The following HHAT variants were observed in gnomAD, a reference collection of about 807,000 sequenced individuals.
HHAT encodes the protein protein-cysteine N-palmitoyltransferase HHAT.
HHAT carries 47 observed loss-of-function variants against 70.8 expected under a neutral mutation model. That is an observed-to-expected ratio of 0.66 (90% CI 0.53 to 0.85). HHAT has a LOEUF of 0.85. HHAT is among the 40% of genes least tolerant of loss of function. The pLI is 0.00. For missense variants in HHAT, 609 were observed against 604.8 expected, an observed-to-expected ratio of 1.01 and a Z score of -0.07; for synonymous variants, 228 against 247.6, an observed-to-expected ratio of 0.92 and a Z score of 0.74.
At chr1:210,350,275 C>G (rs939510493) in intron 2 of HHAT, among the ~76,000 whole-genome samples, 1 of 152,176 alleles carries the variant, frequency 6.6e-6, no homozygotes, top group Non-Finnish European at 1.5e-5. Flanking sequence ...CCTTAAGCAG[C>G]AAATGGACTA....
intron 8 of HHAT, among the ~76,000 whole-genome samples, chr1:210,512,142 C>A (rs2094965612): frequency 6.6e-6 from 1 of 152,082 alleles, no homozygotes; most frequent in Non-Finnish European, 1.5e-5. Context: ...CTGGTGTGAG[C>A]CTCAAGCACA....
intron 8 of HHAT, among the ~76,000 whole-genome samples, chr1:210,476,525 C>T (rs1293659159): frequency 6.6e-6 from 1 of 152,218 alleles, no homozygotes; most frequent in East Asian, 1.9e-4. Context: ...AACAAGTCTT[C>T]ATTCCTCAGT....
chr1:210,576,807 G>C (rs1376632105), intron 9 of HHAT, among the ~76,000 whole-genome samples: 2 of 152,166 alleles, frequency 1.3e-5, no homozygotes, highest in Admixed American at 1.3e-4. Flanking sequence ...ACTATCCATG[G>C]GCACAGCATA....
chr1:210,517,511 G>C (rs1301760018), intron 9 of HHAT, among the ~76,000 whole-genome samples: 1 of 152,148 alleles, frequency 6.6e-6, no homozygotes, highest in Non-Finnish European at 1.5e-5. Flanking sequence ...TAAAAAAATT[G>C]AACTCATGGA....
chr1:210,329,936 A>C (rs1185575687), intron 1 of HHAT, among the ~76,000 whole-genome samples: 1 of 152,094 alleles, frequency 6.6e-6, no homozygotes, highest in African/African-American at 2.4e-5. Context: ...AGTAGAGACG[A>C]GGGTCTCACC....
intron 11 of HHAT, among the ~76,000 whole-genome samples, chr1:210,635,612 A>G (rs1671730704): frequency 6.6e-6 from 1 of 152,202 alleles, no homozygotes. Context: ...TCTCCCAGGG[A>G]GAATTTTAGG....
chr1:210,643,147 A>G (rs183814668), intron 11 of HHAT, among the ~76,000 whole-genome samples: 198 of 152,312 alleles, frequency 1.3e-3, no homozygotes, highest in Non-Finnish European at 2.1e-3. Flanking sequence ...TCATAAATCA[A>G]ATGTCCATGG....
intron 4 of HHAT, among the ~76,000 whole-genome samples, chr1:210,391,361 CACAG>C (rs1256867668): frequency 9.2e-5 from 14 of 152,004 alleles, no homozygotes; most frequent in South Asian, 6.2e-4. Context: ...TTGATGTTGG[CACAG>C]ACAGAGATTT....
intron 4 of HHAT, among the ~76,000 whole-genome samples, chr1:210,393,017 A>T (rs547852657): frequency 6.6e-6 from 1 of 152,168 alleles, no homozygotes; most frequent in African/African-American, 2.4e-5. Context: ...GGGAGGCAGT[A>T]TTTGGTGTGG....
At chr1:210,511,586 A>AC (rs538676481) in intron 8 of HHAT, among the ~76,000 whole-genome samples, 25 of 151,704 alleles carry the variant, frequency 1.6e-4, no homozygotes, top group Non-Finnish European at 2.7e-4. Flanking sequence ...CAGGCGTCAG[A>AC]CCCCCCCTCG....
chr1:210,371,602 G>A (rs780279239), intron 3 of HHAT, among the ~76,000 whole-genome samples: 11 of 152,204 alleles, frequency 7.2e-5, no homozygotes, highest in Non-Finnish European at 1.2e-4. Flanking sequence ...TGGTAAGACA[G>A]GCTGAACATT....
rs1169086872 is a variant in HHAT at position 210,400,469 on chromosome 1, A to G, written c.275A>G (p.His92Arg). The change falls in exon 5 of 12, where the codon CAC (histidine) becomes CGC (arginine). Residue 92 changes from histidine (H) to arginine (R), a missense_variant and splice_region_variant. His to Arg is a conservative substitution (Grantham distance 29). Coordinates refer to ENST00000261458, the MANE Select transcript of HHAT (RefSeq NM_018194.6). ...CTGGATGGGCCCCACCATTTGCAGC[A>G]CAGACCCTGGATTCTCATGCTCTAT... ...SQMATLLARK[H>R]RPWILMLYGM... 6.2e-7 allele frequency: 1 copy of G among 1,607,924 alleles called. No individual in the cohort carries two copies. The highest frequency in any genetic ancestry group is 1.3e-5 in the African/African-American group (1 of 74,672).
At chr1:210,512,300 C>T (rs1014051571) in intron 8 of HHAT, among the ~76,000 whole-genome samples, 1 of 152,104 alleles carries the variant, frequency 6.6e-6, no homozygotes, top group Non-Finnish European at 1.5e-5. Flanking sequence ...GGTTGACCCT[C>T]CACTCACTGC....
intron 10 of HHAT, among the ~76,000 whole-genome samples, chr1:210,605,602 AT>A (rs748979649): frequency 3.2e-4 from 48 of 152,240 alleles, no homozygotes; most frequent in Non-Finnish European, 5.1e-4. Flanking sequence ...CAGTAGCCTT[AT>A]AGGCGTGTAT....
intron 8 of HHAT, among the ~76,000 whole-genome samples, chr1:210,497,278 T>A (rs896021709): frequency 1.3e-5 from 2 of 152,242 alleles, no homozygotes; most frequent in Non-Finnish European, 2.9e-5. Context: ...CAAATCTGTT[T>A]TAGCTCTCCT....
At chr1:210,448,111 G>T (rs993635580) in intron 7 of HHAT, among the ~76,000 whole-genome samples, 5 of 143,628 alleles carry the variant, frequency 3.5e-5, no homozygotes, top group African/African-American at 5.2e-5. Flanking sequence ...ATGAAGTCTC[G>T]TTCTGTCACT....
chr1:210,397,731 G>C (rs957575946), intron 4 of HHAT, among the ~76,000 whole-genome samples: 3 of 152,182 alleles, frequency 2.0e-5, no homozygotes, highest in Non-Finnish European at 4.4e-5. Flanking sequence ...GATGAAACTG[G>C]CCTTTGAAAT....
chr1:210,512,403 G>A (rs909849645), intron 8 of HHAT, among the ~76,000 whole-genome samples: 3 of 152,176 alleles, frequency 2.0e-5, no homozygotes, highest in East Asian at 1.9e-4. Flanking sequence ...GGCTGAGTGC[G>A]GTGGCTCACA....
At chr1:210,561,804 A>G (rs74408936) in intron 9 of HHAT, among the ~76,000 whole-genome samples, 9,099 of 152,198 alleles carry the variant, frequency 0.06, 865 homozygotes, top group African/African-American at 0.2. Flanking sequence ...TTTAAAATCA[A>G]TTCTTCTGGC....
Sources: gnomAD v4.1 joint callset for allele counts (sites outside exome capture counted in the v4.1 genomes callset) on GRCh38, gnomAD v4.1.1 for gene constraint, MANE v1.5 for transcripts, NCBI Gene and HGNC (gene_info 2026-07-23, HGNC 2026-07-21) for gene names.